The following OPCML variants were observed in gnomAD, a reference collection of about 807,000 sequenced individuals.
The protein encoded by OPCML is opioid binding protein/cell adhesion molecule like, also known as opioid-binding protein/cell adhesion molecule.
In OPCML, 13 loss-of-function variants were observed where a neutral mutation model predicts 37.8. The observed-to-expected ratio is 0.34, with a 90% CI of 0.22 to 0.55. The LOEUF (loss-of-function observed/expected upper bound fraction) is 0.55, where lower values mean the gene tolerates loss of function less well. OPCML is among the 20% of genes least tolerant of loss of function. OPCML has a pLI of 0.91. For synonymous variants in OPCML, 176 were observed against 168.8 expected (o/e 1.04, Z -0.33); for missense variants, 341 against 435.6 (o/e 0.78, Z 1.93).
intron 1 of OPCML, among the ~76,000 whole-genome samples, chr11:133,484,198 G>A (rs1049100661): frequency 3.3e-5 from 5 of 151,902 alleles, no homozygotes; most frequent in African/African-American, 1.2e-4. Flanking sequence ...ATAGATGTAA[G>A]AGCCTAAAAA....
At chr11:133,507,585 A>G (rs1370923048) in intron 1 of OPCML, among the ~76,000 whole-genome samples, 1 of 152,182 alleles carries the variant, frequency 6.6e-6, no homozygotes, top group African/African-American at 2.4e-5. Context: ...TCCTCAAGTT[A>G]ACTTTCTGAT....
chr11:133,048,957 G>T (rs1448919501), intron 1 of OPCML, among the ~76,000 whole-genome samples: 1 of 152,170 alleles, frequency 6.6e-6, no homozygotes, highest in Non-Finnish European at 1.5e-5. Context: ...CTCAATAACA[G>T]ATAAATGTTT....
chr11:132,828,347 C>A (rs1428598029), intron 2 of OPCML, among the ~76,000 whole-genome samples: 1 of 152,040 alleles, frequency 6.6e-6, no homozygotes, highest in Non-Finnish European at 1.5e-5. Context: ...CAAAACCCAG[C>A]GAGCGCACAG....
chr11:133,235,917 C>T (rs531765219), intron 1 of OPCML, among the ~76,000 whole-genome samples: 3 of 152,142 alleles, frequency 2.0e-5, no homozygotes, highest in East Asian at 1.9e-4. Flanking sequence ...CCTTCTGATT[C>T]GAATACAATA....
At chr11:132,739,702 G>A (rs1333365813) in intron 2 of OPCML, among the ~76,000 whole-genome samples, 3 of 152,076 alleles carry the variant, frequency 2.0e-5, no homozygotes, top group African/African-American at 4.8e-5. Flanking sequence ...GAAAGATGAG[G>A]ATAAAAATTT....
intron 1 of OPCML, among the ~76,000 whole-genome samples, chr11:133,484,005 A>G (rs1947462789): frequency 6.6e-6 from 1 of 151,218 alleles, no homozygotes; most frequent in African/African-American, 2.4e-5. Context: ...AGCTAGATAG[A>G]TAGATAGACA....
At chr11:132,739,636 T>A (rs1296124164) in intron 2 of OPCML, among the ~76,000 whole-genome samples, 3 of 152,182 alleles carry the variant, frequency 2.0e-5, no homozygotes, top group Non-Finnish European at 1.5e-5. Flanking sequence ...GTTGTGTATT[T>A]GTGTATGTTG....
chr11:132,430,501 G>A (rs772022462), intron 7 of OPCML, among the ~76,000 whole-genome samples: 10 of 152,106 alleles, frequency 6.6e-5, no homozygotes, highest in Non-Finnish European at 1.0e-4. Flanking sequence ...TAGAGATTAC[G>A]CCCTCATGGC....
chr11:133,435,540 T>C (rs754239549), intron 1 of OPCML, among the ~76,000 whole-genome samples: 25 of 152,204 alleles, frequency 1.6e-4, no homozygotes, highest in Non-Finnish European at 3.1e-4. Flanking sequence ...ATTTGTGGAA[T>C]TGTAACAAAT....
intron 1 of OPCML, among the ~76,000 whole-genome samples, chr11:133,458,289 C>T (rs1208633453): frequency 3.4e-5 from 2 of 59,364 alleles, no homozygotes; most frequent in Non-Finnish European, 5.1e-5. Context: ...CATATATACA[C>T]GTGTGTGTAT....
intron 2 of OPCML, among the ~76,000 whole-genome samples, chr11:132,663,485 T>C (rs956425482): frequency 2.0e-5 from 3 of 152,234 alleles, no homozygotes; most frequent in Non-Finnish European, 4.4e-5. Context: ...AGATGTATAA[T>C]ATAAACCTAT....
At chr11:133,268,359 C>T (rs1460630581) in intron 1 of OPCML, among the ~76,000 whole-genome samples, 2 of 152,206 alleles carry the variant, frequency 1.3e-5, no homozygotes, top group Non-Finnish European at 2.9e-5. Context: ...CTGTTCCTAA[C>T]TGCAAGAGGA....
intron 2 of OPCML, among the ~76,000 whole-genome samples, chr11:132,744,851 G>A (rs565955769): frequency 1.6e-3 from 241 of 152,362 alleles, no homozygotes; most frequent in Admixed American, 4.3e-3. Flanking sequence ...AGAGGCCACA[G>A]TGGTGAAACT....
chr11:133,197,986 T>C (rs1008652510), intron 1 of OPCML, among the ~76,000 whole-genome samples: 12 of 152,152 alleles, frequency 7.9e-5, no homozygotes, highest in African/African-American at 2.9e-4. Context: ...TCACAAAACC[T>C]ATCAACCCAG....
intron 1 of OPCML, chr11:133,423,089 C>T (rs1945925586): frequency 7.1e-6 from 7 of 985,270 alleles, no homozygotes; most frequent in African/African-American, 1.7e-5. Context: ...AACGTGTTCT[C>T]CAGAATTGAG....
At chr11:132,437,141 A>G in intron 5 of OPCML, 81 bp downstream of exon 5, 1 of 1,547,682 alleles carries the variant, frequency 6.5e-7, no homozygotes, top group Non-Finnish European at 8.7e-7. Flanking sequence ...CCTTTGGAAA[A>G]TGGCACTGCC....
chr11:133,504,628 C>T (rs925045410), intron 1 of OPCML, among the ~76,000 whole-genome samples: 6 of 152,270 alleles, frequency 3.9e-5, no homozygotes, highest in South Asian at 4.1e-4. Context: ...TTTGTTGCGG[C>T]GATGTTTTTC....
At chr11:132,905,734 G>C (rs1028676807) in intron 2 of OPCML, among the ~76,000 whole-genome samples, 7 of 151,860 alleles carry the variant, frequency 4.6e-5, no homozygotes, top group Non-Finnish European at 8.8e-5. Context: ...GAGTCAAATT[G>C]CCCTTCCATA....
intron 1 of OPCML, among the ~76,000 whole-genome samples, chr11:133,014,474 C>G (rs577678996): frequency 2.0e-5 from 3 of 152,288 alleles, no homozygotes; most frequent in South Asian, 4.1e-4. Flanking sequence ...CCACTACAGG[C>G]TCCTTCCCCA....
Sources: gnomAD v4.1 joint callset for allele counts (sites outside exome capture counted in the v4.1 genomes callset) on GRCh38, gnomAD v4.1.1 for gene constraint, MANE v1.5 for transcripts, NCBI Gene and HGNC (gene_info 2026-07-23, HGNC 2026-07-21) for gene names.